Variants in ABCG8 observed in about 807,000 individuals in gnomAD.
ABCG8 encodes the protein ATP-binding cassette sub-family G member 8.
Under a neutral mutation model 71.3 loss-of-function variants are expected in ABCG8, and 81 were observed. The observed-to-expected ratio is 1.14, with a 90% CI of 0.95 to 1.37. The LOEUF is 1.37. Among genes scored for constraint, ABCG8 ranks in the 40% most tolerant of loss-of-function variants. The pLI, the probability that ABCG8 is intolerant of heterozygous loss-of-function variation, is 0.00. For synonymous variants in ABCG8, 451 were observed against 354.7 expected (o/e 1.27, Z -3.05); for missense variants, 1,119 against 866.2 (o/e 1.29, Z -3.66).
intron 2 of ABCG8, among the ~76,000 whole-genome samples, chr2:43,845,490 A>G (rs928748441): frequency 6.6e-6 from 1 of 152,252 alleles, no homozygotes; most frequent in Non-Finnish European, 1.5e-5. Flanking sequence ...ATGGATGTTA[A>G]GTGATTAACA....
chr2:43,846,363 T>C (rs1668743723), intron 3 of ABCG8, 52 bp downstream of exon 3: 2 of 1,612,536 alleles, frequency 1.2e-6, no homozygotes, highest in Non-Finnish European at 1.7e-6. Context: ...GGATACAGAA[T>C]GGTCCTTTGG....
In ABCG8 at chr2:43,877,613, G is replaced by T. The variant is rs1234309916; in HGVS notation, c.1809G>T (p.Leu603=). ...TCCTGCGGTGGTGTTTTGAAGGGCT[G>T]ATGAAGATTCAGTTCAGCAGAAGAA... is the stretch of plus-strand genomic sequence containing the variant. ...VSFLRWCFEG[L]MKIQFSRRTY... The change falls in exon 12 of 13, where the codon CTG becomes CTT. Residue 603 remains leucine, a synonymous_variant. Coordinates refer to ENST00000272286, the MANE Select transcript of ABCG8 (RefSeq NM_022437.3). 5 of 1,614,142 alleles carry T rather than the reference G, an allele frequency of 3.1e-6. No individual in the cohort carries two copies. Among genetic ancestry groups the T allele is most frequent in the South Asian group, 1.1e-5 (1 of 91,076 alleles).
At chr2:43,870,426 T>G (rs972328593) in intron 6 of ABCG8, among the ~76,000 whole-genome samples, 12 of 152,190 alleles carry the variant, frequency 7.9e-5, no homozygotes, top group Non-Finnish European at 5.9e-5. Flanking sequence ...ACTATCTATC[T>G]GGATAGAATT....
In ABCG8 at chr2:43,839,080, A is replaced by AG; in HGVS notation, c.30dup (p.Leu11AlafsTer16). The stretch of plus-strand genomic sequence containing the variant: ...TGGCCGGGAAGGCGGCAGAGGAGAG[A>AG]GGGCTGCCGAAAGGGGCCACTCCCC... On this transcript the variant is annotated frameshift_variant, in exon 1 of 13. Transcript: ENST00000272286. LOFTEE classifies it high-confidence loss of function. 1 of 1,551,090 alleles carries AG rather than the reference A, an allele frequency of 6.4e-7. No homozygotes were observed. Among genetic ancestry groups the AG allele is most frequent in the Non-Finnish European group, 8.7e-7 (1 of 1,146,768 alleles).
In ABCG8 at chr2:43,873,841, G is replaced by A. The variant is rs567600982; in HGVS notation, c.1266G>A (p.Ala422=). 1.6e-5 allele frequency: 26 copies of A among 1,613,830 alleles called. No individual in the cohort carries two copies. The highest frequency in any genetic ancestry group is 3.3e-5 in the Admixed American group (2 of 59,978). ...TGCCCACCCTCCTCATCCATGGGGC[G>A]GAGGCCTGTCTGATGTCAATGACCA... ...RDLPTLLIHG[A]EACLMSMTIG... The change falls in exon 9 of 13, where the codon GCG becomes GCA. Residue 422 remains alanine (A), a synonymous_variant. Transcript: ENST00000272286.
chr2:43,841,658 G>T, intron 1 of ABCG8, among the ~76,000 whole-genome samples: 1 of 152,160 alleles, frequency 6.6e-6, no homozygotes, highest in East Asian at 1.9e-4. Context: ...AGGCCACAGT[G>T]AAGGGGCTTG....
intron 4 of ABCG8, among the ~76,000 whole-genome samples, 191 bp downstream of exon 4, chr2:43,852,013 T>C (rs907651218): frequency 6.6e-6 from 1 of 152,188 alleles, no homozygotes; most frequent in Non-Finnish European, 1.5e-5. Flanking sequence ...CGCCAGAAGC[T>C]AGCTCAGCCC....
chr2:43,860,351 TTTGGATAGAATTCTCA>T (rs1669267026), intron 6 of ABCG8, among the ~76,000 whole-genome samples: 11 of 151,120 alleles, frequency 7.3e-5, no homozygotes, highest in African/African-American at 1.7e-4. Context: ...ACTCTCACTA[TTTGGATAGAATTCTCA>T]CTATCTGGAT....
chr2:43,855,120 C>A (rs532121051), intron 6 of ABCG8, among the ~76,000 whole-genome samples: 1 of 152,356 alleles, frequency 6.6e-6, no homozygotes, highest in East Asian at 1.9e-4. Context: ...CTGGATAGAA[C>A]TCTCACAATC....
At chr2:43,846,874 A>T (rs1433272278) in intron 3 of ABCG8, 1 of 185,552 alleles carries the variant, frequency 5.4e-6, no homozygotes, top group Non-Finnish European at 1.1e-5. Flanking sequence ...AACAGAGGTC[A>T]TTCTCATCAT....
In ABCG8 at chr2:43,875,300, C is replaced by A. The variant is rs201258947; in HGVS notation, c.1643C>A (p.Ala548Asp). The change falls in exon 11 of 13, where the codon GCC becomes GAC. Residue 548 changes from alanine to aspartate, a missense_variant. Ala to Asp is a moderately radical substitution (Grantham distance 126, BLOSUM62 -2). Coordinates refer to ENST00000272286, the MANE Select transcript of ABCG8 (RefSeq NM_022437.3). The part of the protein sequence containing the change: ...VVFCCRIMAL[A>D]AAALLPTFHM... ...TTCTGTTGCAGGATTATGGCCCTGG[C>A]CGCCGCGGCCCTGCTCCCCACCTTC... 2.5e-6 allele frequency: 4 copies of A among 1,614,142 alleles called. No individual in the cohort carries two copies. The highest frequency in any genetic ancestry group is 3.4e-6 in the Non-Finnish European group (4 of 1,180,036).
intron 6 of ABCG8, among the ~76,000 whole-genome samples, chr2:43,866,698 AGGTGCT>A (rs1669542778): frequency 2.0e-5 from 3 of 151,956 alleles, no homozygotes; most frequent in Admixed American, 2.0e-4. Context: ...AGGAAACAAC[AGGTGCT>A]GGAGAGGATG....
At chr2:43,875,463 C>A in intron 11 of ABCG8, 50 bp downstream of exon 11, 1 of 1,590,000 alleles carries the variant, frequency 6.3e-7, no homozygotes, top group South Asian at 1.1e-5. Context: ...ACTCATGTGA[C>A]TGGATGAAGC....
intron 3 of ABCG8, chr2:43,846,855 G>T: frequency 5.3e-6 from 1 of 188,172 alleles, no homozygotes; most frequent in Non-Finnish European, 1.1e-5. Context: ...GCTGAAAGGG[G>T]GCTTGGGGAA....
At chr2:43,865,028 C>G (rs1240038280) in intron 6 of ABCG8, among the ~76,000 whole-genome samples, 1 of 143,378 alleles carries the variant, frequency 7.0e-6, no homozygotes, top group African/African-American at 2.6e-5. Flanking sequence ...ACAACTCTCA[C>G]TATCTGGATA....
Position 43,839,108 on chromosome 2 carries a change from G to C in ABCG8, c.55G>C (p.Asp19His), listed in dbSNP as rs11887534. ...RGLPKGATPQ[D>H]TSGLQDRLFS... ...GCTGCCGAAAGGGGCCACTCCCCAG[G>C]ATACCTCGGTGAGTGAGCAATGGGA... The change falls in exon 1 of 13, where the codon GAT becomes CAT. Residue 19 changes from aspartate to histidine, a missense_variant. Transcript: ENST00000272286. The C allele has an allele frequency of 0.064, 99,280 of 1,551,174 alleles. 3,397 individuals carry two copies. The highest frequency in any genetic ancestry group is 0.087 in the Admixed American group (4,413 of 50,986).
Position 43,854,640 on chromosome 2 carries a change from A to AG in ABCG8, c.964+1772_964+1773insG, listed in dbSNP as rs1342676731. Among the ~76,000 whole-genome samples the AG allele has an allele frequency of 7.8e-3, 1,178 of 151,000 alleles. 25 individuals carry two copies. Among genetic ancestry groups the AG allele is most frequent in the African/African-American group, 0.027 (1,115 of 40,974 alleles). On this transcript the variant is annotated intron_variant, in intron 6 of 12. Transcript: ENST00000272286. ...AGACTCCATCTCAAAAAAAAAAAAA[A>AG]AAAAAGGATATGGGAGGAGGGAAGG... is the stretch of plus-strand genomic sequence containing the variant.
chr2:43,852,627 T>A lies in ABCG8; in HGVS notation c.723T>A (p.Ser241=). ...TCCTTATTCTCGACGAACCCACCTCTGGGCTCGACAGCTTCACAGCCCACA... is the reference window on the plus strand; with the variant it reads ...TCCTTATTCTCGACGAACCCACCTCAGGGCTCGACAGCTTCACAGCCCACA... ...PGILILDEPT[S]GLDSFTAHNL... is the part of the protein sequence containing the mutation. The change falls in exon 6 of 13, where the codon TCT becomes TCA. Residue 241 remains serine (S), a synonymous_variant. Transcript: ENST00000272286. The A allele has an allele frequency of 6.2e-7, 1 of 1,614,148 alleles. No individual in the cohort carries two copies. The highest frequency in any genetic ancestry group is 8.5e-7 in the Non-Finnish European group (1 of 1,180,014).
At chr2:43,874,113 A>T in intron 9 of ABCG8, 127 bp downstream of exon 9, 2 of 1,075,260 alleles carry the variant, frequency 1.9e-6, no homozygotes, top group Non-Finnish European at 2.8e-6. Flanking sequence ...ATGTTTTTAA[A>T]GTTTGCATGT....
Sources: gnomAD v4.1 joint callset for allele counts (sites outside exome capture counted in the v4.1 genomes callset) on GRCh38, gnomAD v4.1.1 for gene constraint, MANE v1.5 for transcripts, NCBI Gene and HGNC (gene_info 2026-07-23, HGNC 2026-07-21) for gene names.